Variants in DCDC1 observed in about 807,000 individuals in gnomAD.
DCDC1 encodes the protein doublecortin domain containing 1, also known as doublecortin domain-containing protein 1.
A neutral mutation model predicts 178.3 loss-of-function variants in DCDC1; 200 were observed. That is an observed-to-expected ratio of 1.12 (90% CI 1.00 to 1.26). The LOEUF (loss-of-function observed/expected upper bound fraction) is 1.26. DCDC1 is among the 50% of genes most tolerant of loss of function. The probability of loss-of-function intolerance (pLI) is 0.00; values close to 1 mark genes in which losing one functional copy is unlikely to be tolerated. For synonymous variants in DCDC1, 690 were observed against 604.8 expected (o/e 1.14, Z -2.07); for missense variants, 1,983 against 1,749.2 (o/e 1.13, Z -2.38).
At chr11:31,141,655 A>G (rs1226240207) in intron 9 of DCDC1, among the ~76,000 whole-genome samples, 1 of 152,218 alleles carries the variant, frequency 6.6e-6, no homozygotes, top group African/African-American at 2.4e-5. Flanking sequence ...CAACATGATA[A>G]TCAGCCTTCA....
In DCDC1 at chr11:30,915,619, A is replaced by T; in HGVS notation, c.3545T>A (p.Leu1182Gln). Residue 1182 changes from leucine (L) to glutamine (Q), a missense_variant, in exon 27 of 39, where the codon CTA (leucine) becomes CAA (glutamine). By Grantham distance (113) the Leu-to-Gln change is moderately radical. Transcript: ENST00000684477. Reference protein sequence around the residue: ...GQIISHAAPQLVLGVQGPNLR... With the variant: ...GQIISHAAPQQVLGVQGPNLR... ...ATTGGGACCTTGAACCCCCAAGACT[A>T]GCTGAGGAGCAGCATGGCTTATAAT... The T allele has an allele frequency of 6.2e-7, 1 of 1,613,984 alleles. No homozygotes were observed.
chr11:30,900,791 G>C (rs1248775837), intron 32 of DCDC1, among the ~76,000 whole-genome samples: 1 of 151,840 alleles, frequency 6.6e-6, no homozygotes. Flanking sequence ...GGAAAAAATA[G>C]AGATAAAAAA....
intron 7 of DCDC1, among the ~76,000 whole-genome samples, chr11:31,272,684 T>C (rs10835758): frequency 0.3 from 45,189 of 152,118 alleles, 8,165 homozygotes; most frequent in East Asian, 0.63. Context: ...TTTGACTCCA[T>C]GTCTCACATA....
chr11:31,172,527 T>C (rs955492547), intron 9 of DCDC1, among the ~76,000 whole-genome samples: 7 of 152,138 alleles, frequency 4.6e-5, no homozygotes, highest in African/African-American at 1.7e-4. Context: ...CCCCATGCAG[T>C]CAAAAATCCT....
intron 6 of DCDC1, 27 bp downstream of exon 6, chr11:31,305,588 G>A: frequency 6.2e-7 from 1 of 1,610,996 alleles, no homozygotes; most frequent in Non-Finnish European, 8.5e-7. Flanking sequence ...ATGTGTGGGG[G>A]TAGGGTATTT....
chr11:31,226,474 G>A (rs1373550628), intron 9 of DCDC1, among the ~76,000 whole-genome samples: 1 of 150,754 alleles, frequency 6.6e-6, no homozygotes, highest in Non-Finnish European at 1.5e-5. Context: ...AAACACAAAA[G>A]ACACTTCATG....
intron 18 of DCDC1, among the ~76,000 whole-genome samples, 177 bp downstream of exon 18, chr11:31,077,688 A>T (rs561046757): frequency 1.3e-4 from 19 of 149,862 alleles, no homozygotes; most frequent in Middle Eastern, 3.4e-3. Context: ...TTTTAAAATT[A>T]AAAAAAAAAG....
Position 31,167,876 on chromosome 11 carries a change from CT to C in DCDC1, c.1222-30093del, listed in dbSNP as rs561900923. ...ATGGGTGATGCATAGGCATCCATAT[CT>C]TTTGAAATGTCAACCCACCATCACT... On this transcript the variant is annotated intron_variant, in intron 9 of 38. Transcript: ENST00000684477. Among the ~76,000 whole-genome samples, 14 of 152,280 alleles carry C rather than the reference CT, an allele frequency of 9.2e-5. No individual in the cohort carries two copies. In the East Asian group the frequency reaches 1.9e-3, roughly 21 times the overall value.
Position 31,163,363 on chromosome 11 carries a change from T to C in DCDC1, c.1222-25579A>G, listed in dbSNP as rs139703445. ...AGTTTATGAACACAATAAATGGAAA[T>C]TAGCAGTCATGAATGACCATTGATG... On this transcript the variant is annotated intron_variant, in intron 9 of 38. Transcript: ENST00000684477. Among the ~76,000 whole-genome samples, 5 of 152,306 alleles carry C rather than the reference T, an allele frequency of 3.3e-5. No homozygotes were observed. In the East Asian group the frequency reaches 9.6e-4, roughly 29 times the overall value.
intron 20 of DCDC1, among the ~76,000 whole-genome samples, chr11:31,046,759 T>C (rs954867873): frequency 6.6e-6 from 1 of 152,042 alleles, no homozygotes; most frequent in Non-Finnish European, 1.5e-5. Context: ...CTCACTTAAA[T>C]AGAAATTAAA....
At chr11:30,867,935 C>A (rs1941147667) in intron 38 of DCDC1, among the ~76,000 whole-genome samples, 1 of 152,050 alleles carries the variant, frequency 6.6e-6, no homozygotes, top group Non-Finnish European at 1.5e-5. Flanking sequence ...TTATATGGTC[C>A]CTCGGCCAGT....
At chr11:31,038,025 T>G (rs999033622) in intron 20 of DCDC1, among the ~76,000 whole-genome samples, 1 of 138,176 alleles carries the variant, frequency 7.2e-6, no homozygotes, top group Non-Finnish European at 1.5e-5. Flanking sequence ...CTGAGAATGA[T>G]GTTTTCCAGC....
At chr11:30,896,128 G>C (rs1944191789) in intron 34 of DCDC1, among the ~76,000 whole-genome samples, 1 of 152,122 alleles carries the variant, frequency 6.6e-6, no homozygotes, top group Non-Finnish European at 1.5e-5. Context: ...TCTGGGGAAA[G>C]GTTTTTATGA....
At chr11:31,344,775 A>G (rs894996904) in intron 1 of DCDC1, among the ~76,000 whole-genome samples, 5 of 152,230 alleles carry the variant, frequency 3.3e-5, no homozygotes, top group African/African-American at 1.2e-4. Context: ...AGGCACTTTA[A>G]AAGAATACAT....
intron 7 of DCDC1, among the ~76,000 whole-genome samples, chr11:31,273,867 AG>A (rs1945774939): frequency 6.6e-6 from 1 of 152,198 alleles, no homozygotes; most frequent in Admixed American, 6.5e-5. Flanking sequence ...AATCGGAGCA[AG>A]TCATGTCTTA....
intron 9 of DCDC1, among the ~76,000 whole-genome samples, chr11:31,152,635 G>A (rs1020976231): frequency 6.6e-6 from 1 of 152,046 alleles, no homozygotes; most frequent in African/African-American, 2.4e-5. Context: ...TTCACAGCTC[G>A]AGCACATCAG....
intron 10 of DCDC1, among the ~76,000 whole-genome samples, chr11:31,133,161 T>A (rs773919815): frequency 6.6e-6 from 1 of 152,250 alleles, no homozygotes. Context: ...CTATTATTAA[T>A]GACTCTTTGT....
At chr11:30,894,923 G>A (rs1944085818) in intron 34 of DCDC1, among the ~76,000 whole-genome samples, 1 of 152,116 alleles carries the variant, frequency 6.6e-6, no homozygotes, top group Admixed American at 6.5e-5. Context: ...ATGCTGTTAG[G>A]AAGCTGTAGT....
chr11:31,192,626 T>A (rs1420236394), intron 9 of DCDC1, among the ~76,000 whole-genome samples: 1 of 152,114 alleles, frequency 6.6e-6, no homozygotes, highest in African/African-American at 2.4e-5. Context: ...CACACACATA[T>A]GGAAAATGTG....
Sources: gnomAD v4.1 joint callset for allele counts (sites outside exome capture counted in the v4.1 genomes callset) on GRCh38, gnomAD v4.1.1 for gene constraint, MANE v1.5 for transcripts, NCBI Gene and HGNC (gene_info 2026-07-23, HGNC 2026-07-21) for gene names.